The following WDR89 variants were observed in gnomAD, a reference collection of about 807,000 sequenced individuals.
WDR89 encodes the protein WD repeat-containing protein 89.
WDR89 carries 17 observed loss-of-function variants against 29.1 expected under a neutral mutation model. That is an observed-to-expected ratio of 0.58 (90% CI 0.40 to 0.88). The LOEUF is 0.88. Ranked by LOEUF, WDR89 falls within the 40% of genes least tolerant of loss-of-function variation. The pLI, the probability that WDR89 is intolerant of heterozygous loss-of-function variation, is 0.00. For missense variants in WDR89, 396 were observed against 456.3 expected (o/e 0.87, Z 1.20); for synonymous variants, 138 against 157.8 (o/e 0.87, Z 0.94).
chr14:63,620,465 G>C (rs762436072), intron 2 of WDR89, among the ~76,000 whole-genome samples: 21 of 152,180 alleles, frequency 1.4e-4, no homozygotes, highest in Non-Finnish European at 2.9e-4. Flanking sequence ...GGGCTGGGGA[G>C]GAGGGAGAAT....
chr14:63,621,314 G>A (rs1251424355), intron 2 of WDR89, among the ~76,000 whole-genome samples: 1 of 152,088 alleles, frequency 6.6e-6, no homozygotes, highest in African/African-American at 2.4e-5. Context: ...GCACAATCTC[G>A]CAATCTCGGC....
chr14:63,613,372 TATTC>T (rs1372960442), intron 2 of WDR89, among the ~76,000 whole-genome samples: 1 of 152,218 alleles, frequency 6.6e-6, no homozygotes, highest in African/African-American at 2.4e-5. Flanking sequence ...CTCTTAATGT[TATTC>T]ATTGTTTTAA....
intron 2 of WDR89, among the ~76,000 whole-genome samples, chr14:63,609,241 T>C (rs1881798542): frequency 6.6e-6 from 1 of 152,178 alleles, no homozygotes; most frequent in African/African-American, 2.4e-5. Context: ...TTAATTTCCT[T>C]CCTAATTTTC....
At chr14:63,630,368 C>T (rs560049596) in intron 1 of WDR89, among the ~76,000 whole-genome samples, 7 of 150,500 alleles carry the variant, frequency 4.7e-5, no homozygotes, top group South Asian at 2.1e-4. Context: ...AGGGGCTGGG[C>T]GCGGTAGCTC....
chr14:63,599,789 T>C lies in WDR89; in HGVS notation c.154A>G (p.Ile52Val), dbSNP rs145676848. 1.3e-4 allele frequency: 216 copies of C among 1,614,190 alleles called. 1 individual carries two copies. Among genetic ancestry groups the C allele is most frequent in the South Asian group, 1.3e-3 (119 of 91,090 alleles). ...AACCTTTCTTTATCATATATTCTGATTGATCCATTAGAACATAAAACAGCA... is the reference window on the plus strand; with the variant it reads ...AACCTTTCTTTATCATATATTCTGACTGATCCATTAGAACATAAAACAGCA... ...LVAVLCSNGSIRIYDKERLNV... is the reference protein window; with the variant it reads ...LVAVLCSNGSVRIYDKERLNV... Residue 52 changes from isoleucine to valine, a missense_variant, in exon 3 of 3, where the codon ATC becomes GTC. Coordinates refer to ENST00000620954, the MANE Select transcript of WDR89 (RefSeq NM_080666.4).
intron 2 of WDR89, among the ~76,000 whole-genome samples, chr14:63,620,040 A>G (rs1016865260): frequency 6.6e-6 from 1 of 151,688 alleles, no homozygotes; most frequent in Non-Finnish European, 1.5e-5. Context: ...AGAAGAAATC[A>G]GTATGTCAAA....
chr14:63,605,325 G>A (rs1595018109), intron 2 of WDR89, among the ~76,000 whole-genome samples: 1 of 151,876 alleles, frequency 6.6e-6, no homozygotes, highest in Non-Finnish European at 1.5e-5. Context: ...GTGGTGATGC[G>A]TGTATAAACA....
In WDR89 at chr14:63,598,716, G is replaced by C. The variant is rs999702309; in HGVS notation, c.*63C>G. 5 of 1,396,380 alleles carry C rather than the reference G, an allele frequency of 3.6e-6. No individual in the cohort carries two copies. Among genetic ancestry groups the C allele is most frequent in the Non-Finnish European group, 3.8e-6 (4 of 1,046,624 alleles). 86.5% of individuals were successfully genotyped at this position (1,396,380 alleles called of 1,614,324 possible). ...AAAGCTTTAAACATGTCTACCATGG[G>C]TAGTAAACAAGAAGGACTATTTGAA... is the stretch of plus-strand genomic sequence containing the variant. On this transcript the variant is annotated 3_prime_UTR_variant, in exon 3 of 3. Transcript: ENST00000620954.
chr14:63,628,378 A>G (rs959753652), intron 1 of WDR89, among the ~76,000 whole-genome samples: 2 of 152,250 alleles, frequency 1.3e-5, no homozygotes, highest in African/African-American at 4.8e-5. Flanking sequence ...GTTGACTGTT[A>G]TTCTTAGGCT....
At chr14:63,608,833 G>A (rs767117577) in intron 2 of WDR89, among the ~76,000 whole-genome samples, 2 of 152,156 alleles carry the variant, frequency 1.3e-5, no homozygotes, top group Non-Finnish European at 1.5e-5. Flanking sequence ...CGGTGCCTCG[G>A]TGGCTCACGC....
In WDR89 at chr14:63,599,036, T is replaced by C; in HGVS notation, c.907A>G (p.Met303Val). The C allele has an allele frequency of 6.2e-7, 1 of 1,614,244 alleles. No homozygotes were observed. Among genetic ancestry groups the C allele is most frequent in the Non-Finnish European group, 8.5e-7 (1 of 1,180,044 alleles). The change falls in exon 3 of 3, where the codon ATG (methionine) becomes GTG (valine). Residue 303 changes from methionine to valine, a missense_variant. Coordinates refer to ENST00000620954, the MANE Select transcript of WDR89 (RefSeq NM_080666.4). Reference sequence around the variant, plus strand: ...GTCAGTCCTGACATGCTGCAGTTCATCAAATGAATCCTTCCTTTGTTTGTT... The same window carrying C: ...GTCAGTCCTGACATGCTGCAGTTCACCAAATGAATCCTTCCTTTGTTTGTT... ...GGTNKGRIHL[M>V]NCSMSGLTHV...
chr14:63,602,841 C>CAG (rs2139491945), intron 2 of WDR89, among the ~76,000 whole-genome samples: 1 of 151,586 alleles, frequency 6.6e-6, no homozygotes, highest in South Asian at 2.1e-4. Context: ...TTGGATCTAT[C>CAG]AGAGAGCTCC....
chr14:63,616,898 C>A (rs560636157), intron 2 of WDR89, among the ~76,000 whole-genome samples: 1 of 151,870 alleles, frequency 6.6e-6, no homozygotes, highest in South Asian at 2.1e-4. Flanking sequence ...AGAGTTCTAA[C>A]AGAAGTGGCT....
At chr14:63,637,413 GT>G (rs146032813) in intron 1 of WDR89, among the ~76,000 whole-genome samples, 11,762 of 152,178 alleles carry the variant, frequency 0.077, 832 homozygotes, top group African/African-American at 0.19. Flanking sequence ...CCACTACTGG[GT>G]TATCTACCCA....
chr14:63,620,557 C>T lies in WDR89; in HGVS notation c.-32+4371G>A, dbSNP rs1399229620. Among the ~76,000 whole-genome samples the T allele has an allele frequency of 2.6e-5, 4 of 151,900 alleles. No individual in the cohort carries two copies. The East Asian group carries it at 7.7e-4, about 29-fold the overall frequency. ...AGAGCTCTACTGTATAATATGGTGA[C>T]TACAGTTAGTAACAATGTACTGTAC... On this transcript the variant is annotated intron_variant, in intron 2 of 2. Coordinates refer to ENST00000620954, the MANE Select transcript of WDR89 (RefSeq NM_080666.4).
intron 1 of WDR89, among the ~76,000 whole-genome samples, chr14:63,631,809 T>G (rs780961136): frequency 6.6e-6 from 1 of 150,666 alleles, no homozygotes; most frequent in East Asian, 1.9e-4. Context: ...CCAAGCGGAG[T>G]TGAGTCAGAA....
chr14:63,624,069 G>A (rs1882883135), intron 2 of WDR89, among the ~76,000 whole-genome samples: 2 of 152,142 alleles, frequency 1.3e-5, no homozygotes, highest in Non-Finnish European at 2.9e-5. Context: ...GGGAATCTAT[G>A]ACCTTTGGTT....
rs1247690789 is a variant in WDR89, at chr14:63,597,407, C to CT, written c.*1371dup. 2.0e-5 allele frequency: 3 copies of CT among 152,160 alleles called. No homozygotes were observed. The highest frequency in any genetic ancestry group is 7.2e-5 in the African/African-American group (3 of 41,466). The allele number at this position is 152,160 out of a possible 1,614,324, so 9.4% of individuals were successfully genotyped here. A position where few individuals can be genotyped will look rare whatever the true frequency, so the allele number is the denominator to read the frequency against. Reference sequence around the variant, plus strand: ...TTCTAATAACCCACTGCCCCCATTTCTTTTTTAACTTTTTTCACTTTCTAA... The same window carrying CT: ...TTCTAATAACCCACTGCCCCCATTTCTTTTTTTAACTTTTTTCACTTTCTAA... On this transcript the variant is annotated 3_prime_UTR_variant, in exon 3 of 3. Coordinates refer to ENST00000620954, the MANE Select transcript of WDR89 (RefSeq NM_080666.4).
At chr14:63,624,132 A>G (rs1399593090) in intron 2 of WDR89, among the ~76,000 whole-genome samples, 3 of 152,176 alleles carry the variant, frequency 2.0e-5, no homozygotes, top group Admixed American at 6.6e-5. Flanking sequence ...GAAAATTTTG[A>G]CTTAATTAAA....
Sources: gnomAD v4.1 joint callset for allele counts (sites outside exome capture counted in the v4.1 genomes callset) on GRCh38, gnomAD v4.1.1 for gene constraint, MANE v1.5 for transcripts, NCBI Gene and HGNC (gene_info 2026-07-23, HGNC 2026-07-21) for gene names.